STX17: variants seen among roughly 807,000 people sequenced by gnomAD.
The protein encoded by STX17 is syntaxin-17.
Under a neutral mutation model 35.9 loss-of-function variants are expected in STX17, and 29 were observed. The observed-to-expected ratio is 0.81, with a 90% CI of 0.60 to 1.10. STX17 has a LOEUF of 1.10. Ranked by LOEUF, STX17 falls within the 50% of genes least tolerant of loss-of-function variation. The pLI, the probability that STX17 is intolerant of heterozygous loss-of-function variation, is 0.00. For missense variants in STX17, 312 were observed against 352.3 expected, an observed-to-expected ratio of 0.89 and a Z score of 0.92; for synonymous variants, 92 against 118.3, an observed-to-expected ratio of 0.78 and a Z score of 1.44.
intron 3 of STX17, among the ~76,000 whole-genome samples, chr9:99,938,761 TGGG>T (rs1564066379): frequency 7.0e-6 from 1 of 143,582 alleles, no homozygotes; most frequent in East Asian, 2.1e-4. Flanking sequence ...CACTCCAGCC[TGGG>T]TGACAGTGTG....
At chr9:99,930,546 C>G (rs907754551) in intron 3 of STX17, among the ~76,000 whole-genome samples, 1 of 152,134 alleles carries the variant, frequency 6.6e-6, no homozygotes, top group African/African-American at 2.4e-5. Flanking sequence ...GGATTACAGG[C>G]GTGAGCCACT....
At position 99,935,265 on chromosome 9, in the gene STX17, G is replaced by A. The variant is rs373018926; in HGVS notation, c.189+6422G>A. Among the ~76,000 whole-genome samples the A allele has an allele frequency of 3.6e-4, 53 of 148,000 alleles. No homozygotes were observed. In the South Asian group the frequency reaches 0.011, roughly 30 times the overall value. On this transcript the variant is annotated intron_variant, in intron 3 of 7. Coordinates refer to ENST00000259400, the MANE Select transcript of STX17 (RefSeq NM_017919.3). ...GAATGGCGTGAACCCAGGAGGAGGA[G>A]CTTGCAGTGAGCCGAGATCACACCA...
chr9:99,927,961 A>G lies in STX17; in HGVS notation c.124-817A>G, dbSNP rs1272265832. Reference sequence around the variant, plus strand: ...TCTACTCTTATAATGTATGTTTTCTATGCATATATGAGGGAATTTTTATGT... The same window carrying G: ...TCTACTCTTATAATGTATGTTTTCTGTGCATATATGAGGGAATTTTTATGT... On this transcript the variant is annotated intron_variant, in intron 2 of 7. Transcript: ENST00000259400. Among the ~76,000 whole-genome samples, 4 of 152,258 alleles carry G rather than the reference A, an allele frequency of 2.6e-5. No homozygotes were observed. The South Asian group carries it at 8.3e-4, about 32-fold the overall frequency.
intron 1 of STX17, 68 bp from the exon 2 acceptor site, chr9:99,915,110 A>T: frequency 9.4e-7 from 1 of 1,062,644 alleles, no homozygotes; most frequent in Non-Finnish European, 1.3e-6. Context: ...TTGTAAAACT[A>T]ATCGTTGGCT....
At chr9:99,912,630 A>G (rs1373436488) in intron 1 of STX17, among the ~76,000 whole-genome samples, 1 of 152,224 alleles carries the variant, frequency 6.6e-6, no homozygotes, top group Non-Finnish European at 1.5e-5. Flanking sequence ...ATGTGTAAGC[A>G]GGGTAATTAC....
rs1235097530 is a variant in STX17 at position 99,973,959 on chromosome 9, T to TAAA, written c.*5287_*5289dup. Among the ~76,000 whole-genome samples, 1 of 152,230 alleles carries TAAA rather than the reference T, an allele frequency of 6.6e-6. No individual in the cohort carries two copies. Among genetic ancestry groups the TAAA allele is most frequent in the Non-Finnish European group, 1.5e-5 (1 of 68,026 alleles). ...CTATGGTGAAGGTTCAAACTGGTAATAAACCATGTTTACATTTTTCTGGTC... is the reference window on the plus strand; with the variant it reads ...CTATGGTGAAGGTTCAAACTGGTAATAAAAAACCATGTTTACATTTTTCTGGTC... On this transcript the variant is annotated 3_prime_UTR_variant, in exon 8 of 8. Transcript: ENST00000259400.
At chr9:99,916,834 C>CT (rs1828785797) in intron 2 of STX17, among the ~76,000 whole-genome samples, 1 of 151,914 alleles carries the variant, frequency 6.6e-6, no homozygotes, top group Non-Finnish European at 1.5e-5. Context: ...CATTTCTTTC[C>CT]TTTGTTGTCC....
intron 3 of STX17, among the ~76,000 whole-genome samples, chr9:99,947,428 T>C (rs746665215): frequency 6.6e-5 from 10 of 152,178 alleles, no homozygotes; most frequent in Non-Finnish European, 1.2e-4. Context: ...CTGTTGCCTG[T>C]TGTTTTTGCT....
At chr9:99,951,354 T>G in intron 4 of STX17, 69 bp downstream of exon 4, 1 of 1,407,882 alleles carries the variant, frequency 7.1e-7, no homozygotes, top group Non-Finnish European at 9.9e-7. Context: ...CCTCCTTGAG[T>G]AGATACTGAA....
At chr9:99,959,887 TCTAAA>T (rs1564074333) in intron 4 of STX17, 25 bp from the exon 5 acceptor site, 1 of 1,506,278 alleles carries the variant, frequency 6.6e-7, no homozygotes, top group Admixed American at 1.9e-5. Flanking sequence ...GCAAATAAAC[TCTAAA>T]CATGGGGTTA....
At chr9:99,948,422 G>T (rs548744343) in intron 3 of STX17, among the ~76,000 whole-genome samples, 28 of 152,090 alleles carry the variant, frequency 1.8e-4, no homozygotes, top group African/African-American at 6.7e-4. Flanking sequence ...GCTTGTGTGT[G>T]TGATTTGCAT....
chr9:99,915,548 T>G (rs1157490303), intron 2 of STX17, among the ~76,000 whole-genome samples, 186 bp downstream of exon 2: 9 of 152,210 alleles, frequency 5.9e-5, no homozygotes, highest in Admixed American at 3.9e-4. Flanking sequence ...TCTCATATAT[T>G]CCTTTTTCTG....
chr9:99,922,580 C>T (rs1390692315), intron 2 of STX17, among the ~76,000 whole-genome samples: 1 of 152,218 alleles, frequency 6.6e-6, no homozygotes, highest in East Asian at 1.9e-4. Flanking sequence ...TCCTCTGTGT[C>T]TGTCATGTGT....
intron 3 of STX17, among the ~76,000 whole-genome samples, chr9:99,935,246 CGTGAACCCAGGAGGAGGAGCTTGCA>C (rs1829206387): frequency 6.7e-6 from 1 of 148,280 alleles, no homozygotes; most frequent in South Asian, 2.1e-4. Context: ...AGGAGAATGG[CGTGAACCCAGGAGGAGGAGCTTGCA>C]GTGAGCCGAG....
intron 6 of STX17, among the ~76,000 whole-genome samples, chr9:99,963,337 G>A (rs892713434): frequency 2.6e-5 from 4 of 151,904 alleles, no homozygotes; most frequent in African/African-American, 9.7e-5. Context: ...AAGAACCCTG[G>A]GCCAGTAGTT....
At chr9:99,955,627 A>G (rs1829691348) in intron 4 of STX17, among the ~76,000 whole-genome samples, 1 of 152,110 alleles carries the variant, frequency 6.6e-6, no homozygotes, top group Non-Finnish European at 1.5e-5. Context: ...TTCATAAAGT[A>G]TGGAGAAAGA....
At position 99,968,448 on chromosome 9, in the gene STX17, G is replaced by A; in HGVS notation, c.684G>A (p.Lys228=). 6.5e-7 allele frequency: 1 copy of A among 1,531,718 alleles called. No individual in the cohort carries two copies. The highest frequency in any genetic ancestry group is 8.8e-7 in the Non-Finnish European group (1 of 1,142,080). 94.9% of individuals were successfully genotyped at this position (1,531,718 alleles called of 1,614,324 possible). Residue 228 remains lysine (K), a synonymous_variant, in exon 8 of 8, where the codon AAG becomes AAA. Transcript: ENST00000259400. ...TKNLGKAAKY[K]LAALPVAGAL... Reference sequence around the variant, plus strand: ...TTTTTTTACAGGCTGCAAAATACAAGCTGGCAGCTCTGCCTGTGGCAGGTG... The same window carrying A: ...TTTTTTTACAGGCTGCAAAATACAAACTGGCAGCTCTGCCTGTGGCAGGTG...
Position 99,974,005 on chromosome 9 carries a change from T to G in STX17, c.*5332T>G, listed in dbSNP as rs1347825995. Among the ~76,000 whole-genome samples the G allele has an allele frequency of 2.0e-5, 3 of 152,238 alleles. No homozygotes were observed. Among genetic ancestry groups the G allele is most frequent in the Non-Finnish European group, 4.4e-5 (3 of 68,040 alleles). On this transcript the variant is annotated 3_prime_UTR_variant, in exon 8 of 8. Coordinates refer to ENST00000259400, the MANE Select transcript of STX17 (RefSeq NM_017919.3). ...TGGTCTAAAATAATTTCTATATTACTTTATAATAGTCAGCTGGGGGTTATT... is the reference window on the plus strand; with the variant it reads ...TGGTCTAAAATAATTTCTATATTACGTTATAATAGTCAGCTGGGGGTTATT...
At position 99,969,763 on chromosome 9, in the gene STX17, A is replaced by G. The variant is rs1829988369; in HGVS notation, c.*1090A>G. ...CTTGCTACCTCACATCCTTTTCCCCAGACTTTTTATCTCCTATGCATCCCT... is the reference window on the plus strand; with the variant it reads ...CTTGCTACCTCACATCCTTTTCCCCGGACTTTTTATCTCCTATGCATCCCT... On this transcript the variant is annotated 3_prime_UTR_variant, in exon 8 of 8. Coordinates refer to ENST00000259400, the MANE Select transcript of STX17 (RefSeq NM_017919.3). 1 of 152,490 alleles carries G rather than the reference A, an allele frequency of 6.6e-6. No individual in the cohort carries two copies. Among genetic ancestry groups the G allele is most frequent in the African/African-American group, 2.4e-5 (1 of 41,388 alleles). The allele number at this position is 152,490 out of a possible 1,614,324, so 9.4% of individuals were successfully genotyped here. A position where few individuals can be genotyped will look rare whatever the true frequency, so the allele number is the denominator to read the frequency against.
Sources: gnomAD v4.1 joint callset for allele counts (sites outside exome capture counted in the v4.1 genomes callset) on GRCh38, gnomAD v4.1.1 for gene constraint, MANE v1.5 for transcripts, NCBI Gene and HGNC (gene_info 2026-07-23, HGNC 2026-07-21) for gene names.